The following CDKAL1 variants were observed in gnomAD, a reference collection of about 807,000 sequenced individuals.
CDKAL1 encodes threonylcarbamoyladenosine tRNA methylthiotransferase.
Under a neutral mutation model 68.2 loss-of-function variants are expected in CDKAL1, and 32 were observed. That is an observed-to-expected ratio of 0.47 (90% CI 0.35 to 0.63). CDKAL1 has a LOEUF of 0.63. Among genes scored for constraint, CDKAL1 ranks in the 30% least tolerant of loss-of-function variants. The pLI, the probability that CDKAL1 is intolerant of heterozygous loss-of-function variation, is 0.00. For missense variants in CDKAL1, 606 were observed against 696.7 expected, an observed-to-expected ratio of 0.87 and a Z score of 1.47; for synonymous variants, 234 against 244.3, an observed-to-expected ratio of 0.96 and a Z score of 0.39.
At chr6:21,116,352 T>C (rs1386020143) in intron 13 of CDKAL1, among the ~76,000 whole-genome samples, 1 of 152,180 alleles carries the variant, frequency 6.6e-6, no homozygotes, top group Non-Finnish European at 1.5e-5. Context: ...TAGACTTTTA[T>C]TATGATGATT....
At chr6:20,768,884 C>T (rs569313411) in intron 7 of CDKAL1, among the ~76,000 whole-genome samples, 1 of 152,180 alleles carries the variant, frequency 6.6e-6, no homozygotes, top group African/African-American at 2.4e-5. Context: ...GCTGAGAGGA[C>T]CCATGACCTG....
chr6:20,830,551 A>G (rs1777674629), intron 8 of CDKAL1, among the ~76,000 whole-genome samples: 1 of 152,202 alleles, frequency 6.6e-6, no homozygotes, highest in Non-Finnish European at 1.5e-5. Flanking sequence ...GGTAACATCT[A>G]ACATCTAAAG....
intron 4 of CDKAL1, among the ~76,000 whole-genome samples, chr6:20,595,362 T>C (rs1489564137): frequency 6.6e-6 from 1 of 152,110 alleles, no homozygotes; most frequent in Non-Finnish European, 1.5e-5. Flanking sequence ...GGAGGCCTTG[T>C]TCATTCCTTT....
At chr6:20,616,455 C>A (rs1349934133) in intron 4 of CDKAL1, among the ~76,000 whole-genome samples, 22 of 140,284 alleles carry the variant, frequency 1.6e-4, no homozygotes, top group African/African-American at 5.9e-4. Flanking sequence ...CTTTTATTTC[C>A]TTGAGCAGTG....
Position 21,134,675 on chromosome 6 carries a change from A to G in CDKAL1, c.1299+26212A>G, listed in dbSNP as rs75115027. Among the ~76,000 whole-genome samples, 15 of 152,282 alleles carry G rather than the reference A, an allele frequency of 9.9e-5. No homozygotes were observed. The East Asian group carries it at 2.9e-3, about 29-fold the overall frequency. ...GTTTTTGTTGAGAAATAAGTAAACT[A>G]CAGCTTCTGCTTGAAAAGTAATTGC... On this transcript the variant is annotated intron_variant, in intron 13 of 15. Transcript: ENST00000274695.
At chr6:20,960,720 G>A (rs1262706320) in intron 10 of CDKAL1, among the ~76,000 whole-genome samples, 1 of 152,172 alleles carries the variant, frequency 6.6e-6, no homozygotes, top group Non-Finnish European at 1.5e-5. Context: ...CTTCATATCT[G>A]CTGAGCATCC....
At chr6:21,088,585 T>TA (rs1471508117) in intron 12 of CDKAL1, among the ~76,000 whole-genome samples, 1 of 152,236 alleles carries the variant, frequency 6.6e-6, no homozygotes, top group African/African-American at 2.4e-5. Context: ...CATTAATTAA[T>TA]ACTTGGCTTC....
intron 4 of CDKAL1, among the ~76,000 whole-genome samples, chr6:20,640,328 G>A (rs1275862434): frequency 1.3e-5 from 2 of 152,168 alleles, no homozygotes; most frequent in African/African-American, 4.8e-5. Context: ...TTCTTGGGTT[G>A]ATTTTCAAAT....
rs370535145 is a variant in CDKAL1, at chr6:20,568,473, G to T, written c.286+19768G>T. ...ATGTGGGCCTGGCACGGTGGCTCAC[G>T]CCTGTAATCCCAGCACTTTGGGAGG... is the stretch of plus-strand genomic sequence containing the variant. On this transcript the variant is annotated intron_variant, in intron 4 of 15. Coordinates refer to ENST00000274695, the MANE Select transcript of CDKAL1 (RefSeq NM_017774.3). 3.0e-4 allele frequency among the ~76,000 whole-genome samples: 46 copies of T among 151,900 alleles called. 1 individual carries two copies. The East Asian group carries it at 5.9e-3, about 19-fold the overall frequency.
chr6:20,952,459 G>A (rs917859907), intron 9 of CDKAL1, among the ~76,000 whole-genome samples: 6 of 152,146 alleles, frequency 3.9e-5, no homozygotes, highest in Non-Finnish European at 5.9e-5. Flanking sequence ...GGATGCAAAG[G>A]GTCCAGGACG....
intron 13 of CDKAL1, chr6:21,135,714 A>G: frequency 1.0e-6 from 1 of 984,662 alleles, no homozygotes; most frequent in South Asian, 4.7e-5. Flanking sequence ...ACAGGACTGA[A>G]AGGGAAGGTA....
At chr6:20,920,341 A>G (rs114885234) in intron 9 of CDKAL1, among the ~76,000 whole-genome samples, 1 of 152,210 alleles carries the variant, frequency 6.6e-6, no homozygotes, top group African/African-American at 2.4e-5. Flanking sequence ...AGGTTTTATG[A>G]GAAATAGGAG....
rs147004095 is a variant in CDKAL1, at chr6:21,187,566, T to C, written c.1300-10455T>C. The stretch of plus-strand genomic sequence containing the variant: ...TTCTTCCAAATGTCTGAATCTTTCT[T>C]GGAATTATTCTGAGTTTTATACCAT... On this transcript the variant is annotated intron_variant, in intron 13 of 15. Transcript: ENST00000274695. 2.2e-3 allele frequency among the ~76,000 whole-genome samples: 334 copies of C among 152,332 alleles called. 3 individuals carry two copies. The highest frequency in any genetic ancestry group is 7.4e-3 in the African/African-American group (308 of 41,574).
chr6:21,160,006 A>G (rs1324963745), intron 13 of CDKAL1, among the ~76,000 whole-genome samples: 1 of 152,224 alleles, frequency 6.6e-6, no homozygotes, highest in Non-Finnish European at 1.5e-5. Flanking sequence ...GCAATGTGCA[A>G]AAACCCTCTG....
In CDKAL1 at chr6:21,103,493, A is replaced by C. The variant is rs111589566; in HGVS notation, c.1237-4908A>C. Among the ~76,000 whole-genome samples the C allele has an allele frequency of 9.0e-3, 1,366 of 152,194 alleles. 21 individuals are homozygous for C. Among genetic ancestry groups the C allele is most frequent in the African/African-American group, 0.031 (1,299 of 41,508 alleles). ...TCCTTGGAGAGTGGAATATAAAAGC[A>C]ATTTATGAAGTGCCTGTAAGATGAA... On this transcript the variant is annotated intron_variant, in intron 12 of 15. Coordinates refer to ENST00000274695, the MANE Select transcript of CDKAL1 (RefSeq NM_017774.3).
intron 13 of CDKAL1, among the ~76,000 whole-genome samples, chr6:21,149,447 C>CA (rs1194002522): frequency 2.0e-5 from 3 of 151,766 alleles, no homozygotes; most frequent in Non-Finnish European, 2.9e-5. Context: ...CGCCTGGCCC[C>CA]AAAAAACATT....
intron 8 of CDKAL1, among the ~76,000 whole-genome samples, chr6:20,790,536 A>T (rs1204775533): frequency 6.6e-6 from 1 of 152,070 alleles, no homozygotes; most frequent in Non-Finnish European, 1.5e-5. Context: ...CACTTTGCCA[A>T]CCAGAGACCT....
At chr6:20,946,750 C>T (rs1316809316) in intron 9 of CDKAL1, among the ~76,000 whole-genome samples, 1 of 152,050 alleles carries the variant, frequency 6.6e-6, no homozygotes, top group Non-Finnish European at 1.5e-5. Context: ...GCATGCGCCA[C>T]CACGCCCAGC....
intron 10 of CDKAL1, among the ~76,000 whole-genome samples, chr6:20,987,217 T>G (rs903379350): frequency 9.2e-5 from 14 of 152,128 alleles, no homozygotes; most frequent in Admixed American, 4.6e-4. Flanking sequence ...GTGTCCACCA[T>G]TTTTATTTAT....
Sources: gnomAD v4.1 joint callset for allele counts (sites outside exome capture counted in the v4.1 genomes callset) on GRCh38, gnomAD v4.1.1 for gene constraint, MANE v1.5 for transcripts, NCBI Gene and HGNC (gene_info 2026-07-23, HGNC 2026-07-21) for gene names.